MKLN1: variants seen among roughly 807,000 people sequenced by gnomAD.
The protein encoded by MKLN1 is muskelin.
Under a neutral mutation model 99.0 loss-of-function variants are expected in MKLN1, and 18 were observed. The ratio of observed to expected loss-of-function variants is 0.18; its 90% CI spans 0.13 to 0.27. The LOEUF is 0.27. Ranked by LOEUF, MKLN1 falls within the 10% of genes least tolerant of loss-of-function variation. The probability of loss-of-function intolerance (pLI) is 1.00; values close to 1 mark genes in which losing one functional copy is unlikely to be tolerated. For missense variants in MKLN1, 621 were observed against 875.9 expected, an observed-to-expected ratio of 0.71 and a Z score of 3.67; for synonymous variants, 288 against 293.2, an observed-to-expected ratio of 0.98 and a Z score of 0.18.
chr7:131,216,363 C>T (rs1170674084), intron 3 of MKLN1, among the ~76,000 whole-genome samples: 1 of 149,388 alleles, frequency 6.7e-6, no homozygotes, highest in Non-Finnish European at 1.5e-5. Flanking sequence ...GCGGAGGTTG[C>T]AGTGAGCCGA....
At chr7:131,194,190 A>G (rs1410242885) in intron 2 of MKLN1, among the ~76,000 whole-genome samples, 2 of 152,044 alleles carry the variant, frequency 1.3e-5, no homozygotes, top group Non-Finnish European at 2.9e-5. Context: ...GGCATTTAGT[A>G]TATTTACAAC....
chr7:131,172,376 C>T (rs1054974020), intron 2 of MKLN1, among the ~76,000 whole-genome samples: 3 of 151,632 alleles, frequency 2.0e-5, no homozygotes, highest in South Asian at 2.1e-4. Context: ...AGTGCAGTGG[C>T]GTGATCTCGG....
Position 131,474,174 on chromosome 7 carries a change from G to A in MKLN1, c.2031+3230G>A, listed in dbSNP as rs970521043. On this transcript the variant is annotated intron_variant, in intron 16 of 17. Transcript: ENST00000352689. ...CAGCCCAAAGTAATAGTAGAGCAGT[G>A]AGAAGTAAAATAGAGCAGATTCTTA... Among the ~76,000 whole-genome samples, 9 of 152,246 alleles carry A rather than the reference G, an allele frequency of 5.9e-5. No homozygotes were observed. The South Asian group carries it at 1.2e-3, about 21-fold the overall frequency.
At chr7:131,271,509 C>T (rs540738440) in intron 3 of MKLN1, among the ~76,000 whole-genome samples, 67 of 151,836 alleles carry the variant, frequency 4.4e-4, no homozygotes, top group Admixed American at 8.5e-4. Flanking sequence ...CCCAGCTACT[C>T]GGGAGGCTGA....
intron 3 of MKLN1, among the ~76,000 whole-genome samples, chr7:131,263,368 T>TAATAATAATAATAATAAAAATAAA (rs373239401): frequency 7.1e-6 from 1 of 140,350 alleles, no homozygotes; most frequent in Non-Finnish European, 1.5e-5. Context: ...ATAATAATAA[T>TAATAATAATAATAATAAAAATAAA]AATAAAATTA....
chr7:131,292,418 C>G (rs1207299746), intron 3 of MKLN1, among the ~76,000 whole-genome samples: 2 of 152,108 alleles, frequency 1.3e-5, no homozygotes, highest in African/African-American at 4.8e-5. Flanking sequence ...TCATGTCCCC[C>G]CAAAAAGATA....
intron 2 of MKLN1, among the ~76,000 whole-genome samples, chr7:131,193,413 T>C (rs1051565239): frequency 6.6e-6 from 1 of 152,182 alleles, no homozygotes; most frequent in African/African-American, 2.4e-5. Context: ...TTGCCCAGGC[T>C]GGAGTGCAGT....
At chr7:131,193,199 G>C (rs1796592131) in intron 2 of MKLN1, among the ~76,000 whole-genome samples, 1 of 152,082 alleles carries the variant, frequency 6.6e-6, no homozygotes, top group Non-Finnish European at 1.5e-5. Context: ...GTATGATTCA[G>C]CAATGAAACA....
Position 131,199,976 on chromosome 7 carries a change from G to C in MKLN1, c.-296-2881G>C, listed in dbSNP as rs557282707. On this transcript the variant is annotated intron_variant, in intron 2 of 7. Coordinates refer to the MKLN1 transcript ENST00000416992. ...GCCTCCCAAAGTGCTGGAATTATAG[G>C]TGTGAGCCACTGCACCCAGCCTTGT... 2.6e-5 allele frequency among the ~76,000 whole-genome samples: 4 copies of C among 152,278 alleles called. No homozygotes were observed. In the East Asian group the frequency reaches 7.7e-4, roughly 29 times the overall value.
intron 15 of MKLN1, among the ~76,000 whole-genome samples, chr7:131,467,989 C>T (rs532692667): frequency 6.6e-6 from 1 of 152,228 alleles, no homozygotes; most frequent in South Asian, 2.1e-4. Context: ...AGTTGTGAGT[C>T]ATGGGAGAAG....
intron 2 of MKLN1, among the ~76,000 whole-genome samples, chr7:131,189,178 C>G (rs1235347735): frequency 6.6e-6 from 1 of 152,210 alleles, no homozygotes; most frequent in Non-Finnish European, 1.5e-5. Flanking sequence ...GGCTGATTCC[C>G]ATTTGCCTCC....
chr7:131,207,331 G>A (rs1466733437), intron 3 of MKLN1, among the ~76,000 whole-genome samples: 2 of 152,082 alleles, frequency 1.3e-5, no homozygotes, highest in East Asian at 3.9e-4. Flanking sequence ...CCAAGTAGCT[G>A]GGATTACAGG....
intron 14 of MKLN1, 45 bp from the exon 15 acceptor site, chr7:131,466,231 G>T (rs770489705): frequency 6.8e-7 from 1 of 1,464,464 alleles, no homozygotes; most frequent in African/African-American, 1.4e-5. Flanking sequence ...AATATCTTGG[G>T]TATGCATGCA....
At chr7:131,215,078 G>A (rs10249589) in intron 3 of MKLN1, among the ~76,000 whole-genome samples, 43,904 of 152,036 alleles carry the variant, frequency 0.29, 6,762 homozygotes, top group South Asian at 0.45. Flanking sequence ...ACAGAGTTTC[G>A]CTTTGTTGTC....
intron 5 of MKLN1, 29 bp from the exon 6 acceptor site, chr7:131,399,212 C>A (rs1794454469): frequency 5.0e-6 from 8 of 1,594,232 alleles, no homozygotes; most frequent in Non-Finnish European, 6.9e-6. Context: ...CAAATCTCTT[C>A]TTTCCATACT....
At chr7:131,229,706 C>A (rs1051165098) in intron 3 of MKLN1, among the ~76,000 whole-genome samples, 1 of 152,138 alleles carries the variant, frequency 6.6e-6, no homozygotes, top group Non-Finnish European at 1.5e-5. Flanking sequence ...CAAGCCCACG[C>A]CTCCACAGGC....
In MKLN1 at chr7:131,351,636, AT is replaced by A. The variant is rs879933897; in HGVS notation, c.98+23649del. On this transcript the variant is annotated intron_variant, in intron 1 of 17. Coordinates refer to ENST00000352689, the MANE Select transcript of MKLN1 (RefSeq NM_013255.5). ...GCCACCATGCCTGGCTCATTTTTAA[AT>A]TTTTTTTTTAGAGTCAAGGTCTCAT... 7.0e-4 allele frequency among the ~76,000 whole-genome samples: 105 copies of A among 149,214 alleles called. 1 individual carries two copies. The highest frequency in any genetic ancestry group is 2.2e-3 in the Admixed American group (33 of 14,994).
chr7:131,122,116 C>T (rs184416601), intron 1 of MKLN1, among the ~76,000 whole-genome samples: 235 of 152,300 alleles, frequency 1.5e-3, no homozygotes, highest in Non-Finnish European at 2.5e-3. Context: ...ATTTTTGTTT[C>T]CCTGGGGCTT....
At chr7:131,234,157 T>G (rs1000603525) in intron 3 of MKLN1, among the ~76,000 whole-genome samples, 10 of 151,558 alleles carry the variant, frequency 6.6e-5, no homozygotes, top group African/African-American at 2.2e-4. Context: ...TTTTTGTATT[T>G]TTAGTAGAGA....
Sources: allele counts gnomAD v4.1 joint callset (sites outside exome capture counted in the v4.1 genomes callset), GRCh38; gene constraint gnomAD v4.1.1; transcripts MANE v1.5; gene names NCBI Gene and HGNC (gene_info 2026-07-23, HGNC 2026-07-21).